PTCHD4: variants seen among roughly 807,000 people sequenced by gnomAD.
PTCHD4 encodes the protein patched domain containing 4.
PTCHD4 carries 33 observed loss-of-function variants against 58.1 expected under a neutral mutation model. That is an observed-to-expected ratio of 0.57 (90% CI 0.43 to 0.76). PTCHD4 has a LOEUF of 0.76. Among genes scored for constraint, PTCHD4 ranks in the 30% least tolerant of loss-of-function variants. The probability of loss-of-function intolerance (pLI) is 0.00; values close to 1 mark genes in which losing one functional copy is unlikely to be tolerated. For synonymous variants in PTCHD4, 478 were observed against 409.6 expected (o/e 1.17, Z -2.02); for missense variants, 1,058 against 1,027.1 (o/e 1.03, Z -0.41).
intron 4 of PTCHD4, among the ~76,000 whole-genome samples, chr6:47,916,860 C>A (rs1320831412): frequency 6.6e-6 from 1 of 152,026 alleles, no homozygotes; most frequent in African/African-American, 2.4e-5. Context: ...GAGTTGGAGA[C>A]AATAATTAGA....
chr6:47,886,192 T>A (rs970661348), intron 4 of PTCHD4, among the ~76,000 whole-genome samples: 1 of 151,656 alleles, frequency 6.6e-6, no homozygotes, highest in African/African-American at 2.4e-5. Context: ...GCCATTTTAA[T>A]CCTACACTCA....
chr6:48,066,029 G>A (rs565334289), intron 3 of PTCHD4, among the ~76,000 whole-genome samples: 3 of 151,932 alleles, frequency 2.0e-5, no homozygotes, highest in Non-Finnish European at 2.9e-5. Context: ...ATGGTGTTGG[G>A]TCAATGGTGC....
intron 1 of PTCHD4, among the ~76,000 whole-genome samples, chr6:48,078,103 G>A (rs1181933579): frequency 1.3e-5 from 2 of 152,180 alleles, no homozygotes; most frequent in Admixed American, 6.5e-5. Context: ...AAGTGTGCCT[G>A]TAATAGAATT....
At chr6:47,905,367 T>C (rs1355263029) in intron 4 of PTCHD4, among the ~76,000 whole-genome samples, 4 of 152,174 alleles carry the variant, frequency 2.6e-5, no homozygotes, top group East Asian at 1.9e-4. Flanking sequence ...AGTAGAGAGA[T>C]GATGATGGTG....
intron 4 of PTCHD4, among the ~76,000 whole-genome samples, chr6:47,978,667 T>C (rs1767779056): frequency 6.6e-6 from 1 of 152,160 alleles, no homozygotes; most frequent in African/African-American, 2.4e-5. Flanking sequence ...TTCTGCACAA[T>C]AACTCTATGA....
At chr6:47,992,782 G>A (rs563451822) in intron 4 of PTCHD4, among the ~76,000 whole-genome samples, 52 of 152,054 alleles carry the variant, frequency 3.4e-4, no homozygotes, top group Middle Eastern at 3.4e-3. Flanking sequence ...AATATGCTAC[G>A]TTACTTTTGT....
chr6:48,086,794 A>AAATGAAAC (rs1201656406), intron 1 of PTCHD4, among the ~76,000 whole-genome samples: 1 of 152,204 alleles, frequency 6.6e-6, no homozygotes, highest in Non-Finnish European at 1.5e-5. Context: ...ATGTAGAAAG[A>AAATGAAAC]AATGAAACAA....
At chr6:48,060,644 C>T (rs998420367) in intron 3 of PTCHD4, among the ~76,000 whole-genome samples, 2 of 152,130 alleles carry the variant, frequency 1.3e-5, no homozygotes, top group Non-Finnish European at 2.9e-5. Context: ...TGGCTAATTT[C>T]TGTATTTTTT....
chr6:48,045,375 C>A lies in PTCHD4; in HGVS notation c.417+22855G>T, dbSNP rs112252016. Among the ~76,000 whole-genome samples the A allele has an allele frequency of 3.3e-5, 5 of 151,684 alleles. No individual in the cohort carries two copies. The Admixed American group carries it at 3.3e-4, about 10-fold the overall frequency. ...TGATCACATTTAAAAGTGTTTGAGT[C>A]GTAATATTTCTAACATCTCAGGTTT... On this transcript the variant is annotated intron_variant, in intron 3 of 4. Transcript: ENST00000339488.
At chr6:48,086,333 A>G (rs749523270) in intron 1 of PTCHD4, among the ~76,000 whole-genome samples, 3 of 152,188 alleles carry the variant, frequency 2.0e-5, no homozygotes, top group Admixed American at 6.5e-5. Flanking sequence ...AATTTAAAGA[A>G]GAAGACCCCA....
chr6:47,914,295 T>C (rs1446487648), intron 4 of PTCHD4, among the ~76,000 whole-genome samples: 3 of 152,136 alleles, frequency 2.0e-5, no homozygotes, highest in African/African-American at 7.2e-5. Context: ...TTTGGTTAAA[T>C]GTTATTCTGG....
intron 4 of PTCHD4, among the ~76,000 whole-genome samples, chr6:47,894,308 CA>C (rs1764464423): frequency 6.6e-6 from 1 of 152,154 alleles, no homozygotes; most frequent in East Asian, 1.9e-4. Context: ...GAAGTTCTTT[CA>C]AAAAATATTT....
At chr6:48,011,289 T>C (rs1562005829) in intron 3 of PTCHD4, among the ~76,000 whole-genome samples, 1 of 152,254 alleles carries the variant, frequency 6.6e-6, no homozygotes, top group Non-Finnish European at 1.5e-5. Context: ...CATGAGATGG[T>C]ATCTCATTGT....
At chr6:48,075,440 T>G (rs7741159) in intron 1 of PTCHD4, among the ~76,000 whole-genome samples, 23,243 of 127,114 alleles carry the variant, frequency 0.18, 1,821 homozygotes, top group African/African-American at 0.23. Flanking sequence ...GTTTTGTGGG[T>G]TTTTTTTTTT....
chr6:48,079,079 C>T (rs1227268685), intron 1 of PTCHD4, among the ~76,000 whole-genome samples: 4 of 146,944 alleles, frequency 2.7e-5, no homozygotes, highest in African/African-American at 5.1e-5. Flanking sequence ...GATCGCGCCA[C>T]TGCACTCCAG....
At chr6:48,025,897 G>A (rs1421301539) in intron 3 of PTCHD4, among the ~76,000 whole-genome samples, 2 of 152,054 alleles carry the variant, frequency 1.3e-5, no homozygotes, top group Middle Eastern at 3.2e-3. Flanking sequence ...CTCAGGGACA[G>A]GGCTACTCAA....
intron 4 of PTCHD4, among the ~76,000 whole-genome samples, chr6:47,927,977 A>G (rs1338350548): frequency 6.6e-6 from 1 of 152,078 alleles, no homozygotes; most frequent in Non-Finnish European, 1.5e-5. Context: ...AAAGATTTTT[A>G]TAAAAGTTTG....
rs554908168 is a variant in PTCHD4, at chr6:47,878,629, CTAA to C, written c.2203_2205del (p.Leu735del). On this transcript the variant is annotated inframe_deletion, in exon 5 of 5. Coordinates refer to ENST00000339488, the MANE Select transcript of PTCHD4 (RefSeq NM_001384253.1). ...CATTGTGTTCGGGTGTGCTCAGTTGCTAATACAAATGTGAAAAGCAGTGGTGCA... is the reference window on the plus strand; with the variant it reads ...CATTGTGTTCGGGTGTGCTCAGTTGCTACAAATGTGAAAAGCAGTGGTGCA... 4.6e-5 allele frequency: 74 copies of C among 1,613,430 alleles called. No individual in the cohort carries two copies. The highest frequency in any genetic ancestry group is 6.1e-5 in the Non-Finnish European group (72 of 1,179,752).
Position 47,922,088 on chromosome 6 carries a change from T to C in PTCHD4, c.899-42152A>G, listed in dbSNP as rs570918054. Among the ~76,000 whole-genome samples, 7 of 152,108 alleles carry C rather than the reference T, an allele frequency of 4.6e-5. No individual in the cohort carries two copies. In the South Asian group the frequency reaches 1.5e-3, roughly 32 times the overall value. On this transcript the variant is annotated intron_variant, in intron 4 of 4. Transcript: ENST00000339488. The stretch of plus-strand genomic sequence containing the variant: ...AGGAGTTTGAGGCTGCAGTGATGTA[T>C]GATTGCACCACTGCACTTCAGCCTG...
Sources: gnomAD v4.1 joint callset for allele counts (sites outside exome capture counted in the v4.1 genomes callset) on GRCh38, gnomAD v4.1.1 for gene constraint, MANE v1.5 for transcripts, NCBI Gene and HGNC (gene_info 2026-07-23, HGNC 2026-07-21) for gene names.